Variants in PKD1L1 observed in about 807,000 individuals in gnomAD.
PKD1L1 encodes polycystin-1-like protein 1.
In PKD1L1, 236 loss-of-function variants were observed where a neutral mutation model predicts 323.4. The observed-to-expected ratio is 0.73, with a 90% confidence interval of 0.66 to 0.81. PKD1L1 has a LOEUF of 0.81. Among genes scored for constraint, PKD1L1 ranks in the 40% least tolerant of loss-of-function variants. The pLI is 0.00. For missense variants in PKD1L1, 3,320 were observed against 3,508.0 expected, an observed-to-expected ratio of 0.95 and a Z score of 1.35; for synonymous variants, 1,344 against 1,335.0, an observed-to-expected ratio of 1.01 and a Z score of -0.15.
At position 47,874,815 on chromosome 7, in the gene PKD1L1, G is replaced by A. The variant is rs142872050; in HGVS notation, c.3785-805C>T. ...CAAAAGATGGGACAAGAAAAGGTATGTATTAAGTATTTACTATATTGTATT... is the reference window on the plus strand; with the variant it reads ...CAAAAGATGGGACAAGAAAAGGTATATATTAAGTATTTACTATATTGTATT... On this transcript the variant is annotated intron_variant, in intron 23 of 56. Coordinates refer to ENST00000289672, the MANE Select transcript of PKD1L1 (RefSeq NM_138295.5). Among the ~76,000 whole-genome samples the A allele has an allele frequency of 4.8e-3, 729 of 152,276 alleles. 6 individuals carry two copies. The highest frequency in any genetic ancestry group is 0.017 in the African/African-American group (702 of 41,548).
At chr7:47,810,242 C>T (rs1784866225) in intron 50 of PKD1L1, among the ~76,000 whole-genome samples, 1 of 152,310 alleles carries the variant, frequency 6.6e-6, no homozygotes, top group Non-Finnish European at 1.5e-5. Flanking sequence ...ATAATCAAAG[C>T]AGGGTTCACT....
chr7:47,917,507 A>ATCAT (rs1359168021), intron 7 of PKD1L1, among the ~76,000 whole-genome samples: 1 of 152,212 alleles, frequency 6.6e-6, no homozygotes, highest in African/African-American at 2.4e-5. Flanking sequence ...TCACAAAAAG[A>ATCAT]TCATTGCCTA....
At position 47,845,013 on chromosome 7, in the gene PKD1L1, T is replaced by C. The variant is rs376930981; in HGVS notation, c.5219A>G (p.Asp1740Gly). 1.2e-6 allele frequency: 2 copies of C among 1,613,692 alleles called. No homozygotes were observed. Among genetic ancestry groups the C allele is most frequent in the African/African-American group, 2.7e-5 (2 of 74,938 alleles). The change falls in exon 33 of 57, where the codon GAC (aspartate) becomes GGC (glycine). Residue 1740 changes from aspartate to glycine, a missense_variant. Asp to Gly is a moderately conservative substitution (Grantham distance 94). Transcript: ENST00000289672. ...AACTTACCTCTGTAGCTTGGAAATG[T>C]CACTCACTTCAAAACTGGCCTTCAG... ...RKLKASFEVSDISKLQSHPEN... is the reference protein window; with the variant it reads ...RKLKASFEVSGISKLQSHPEN...
At chr7:47,867,052 G>A (rs753610865) in intron 24 of PKD1L1, among the ~76,000 whole-genome samples, 5 of 152,182 alleles carry the variant, frequency 3.3e-5, no homozygotes, top group Non-Finnish European at 7.3e-5. Flanking sequence ...CTATACATGA[G>A]GTCAAAGGCC....
rs1785593774 is a variant in PKD1L1, at chr7:47,843,016, T to C, written c.5391A>G (p.Leu1797=). 6.2e-7 allele frequency: 1 copy of C among 1,614,002 alleles called. No individual in the cohort carries two copies. Among genetic ancestry groups the C allele is most frequent in the Non-Finnish European group, 8.5e-7 (1 of 1,179,916 alleles). ...AGCCAGTGTCAATGACGACCGCATA[T>C]AGCTGATGGCCCGGCAGGGAAGCTT... is the stretch of plus-strand genomic sequence containing the variant. ...LQEASLPGHQ[L]YAVVIDTGFR... Residue 1797 remains leucine, a synonymous_variant, in exon 34 of 57, where the codon CTA becomes CTG. Transcript: ENST00000289672.
At chr7:47,793,877 G>C (rs546981735) in intron 55 of PKD1L1, among the ~76,000 whole-genome samples, 1 of 152,272 alleles carries the variant, frequency 6.6e-6, no homozygotes, top group South Asian at 2.1e-4. Flanking sequence ...GGAACTTGTT[G>C]GGAACTGGAG....
In PKD1L1 at chr7:47,884,266, G is replaced by A. The variant is rs917544856; in HGVS notation, c.3265+332C>T. On this transcript the variant is annotated intron_variant, in intron 19 of 56. Transcript: ENST00000289672. ...AATGGAGCCAGACCTGAAGGAGGAG[G>A]CTCGCTGAGCAGATAACTTAGGAAG... Among the ~76,000 whole-genome samples, 15 of 152,196 alleles carry A rather than the reference G, an allele frequency of 9.9e-5. No individual in the cohort carries two copies. The South Asian group carries it at 1.2e-3, about 13-fold the overall frequency.
rs967421888 is a variant in PKD1L1 at position 47,839,702 on chromosome 7, C to T, written c.5553-40G>A. On this transcript the variant is annotated intron_variant, in intron 35 of 56. Transcript: ENST00000289672. This position sits in a 1 kb window ranked among gnomAD's most constrained non-coding sequence, Gnocchi z 4.3. ...AGCAGCATCTCAGCCGGGTGGGTGACAGTGTGGTCCTGGCATCCCATCAGC... is the reference window on the plus strand; with the variant it reads ...AGCAGCATCTCAGCCGGGTGGGTGATAGTGTGGTCCTGGCATCCCATCAGC... The T allele has an allele frequency of 5.9e-6, 9 of 1,536,932 alleles. No individual in the cohort carries two copies. Among genetic ancestry groups the T allele is most frequent in the Non-Finnish European group, 7.0e-6 (8 of 1,136,290 alleles).
intron 56 of PKD1L1, among the ~76,000 whole-genome samples, chr7:47,785,938 C>T (rs1786797352): frequency 6.6e-6 from 1 of 152,006 alleles, no homozygotes; most frequent in African/African-American, 2.4e-5. Context: ...CACGGGGTTT[C>T]ACTACGTTGA....
chr7:47,850,632 C>CA (rs58437908), intron 31 of PKD1L1, among the ~76,000 whole-genome samples: 18,993 of 75,662 alleles, frequency 0.25, 2,886 homozygotes, highest in South Asian at 0.37. Context: ...GACTCTGTCT[C>CA]AAAAAAAAAA....
rs753208411 is a variant in PKD1L1, at chr7:47,876,170, G to A, written c.3711C>T (p.His1237=). ...GGGTGTCTCTCCCATGGTACAAAGT[G>A]TGTTTGGAGGTGTTTCCTATCTGGT... The part of the protein sequence containing the change: ...FSYQIGNTSK[H]TLYHGRDTQY... The change falls in exon 23 of 57, where the codon CAC becomes CAT. Residue 1237 remains histidine, a synonymous_variant. Coordinates refer to ENST00000289672, the MANE Select transcript of PKD1L1 (RefSeq NM_138295.5). 2 of 1,614,102 alleles carry A rather than the reference G, an allele frequency of 1.2e-6. No homozygotes were observed. Among genetic ancestry groups the A allele is most frequent in the South Asian group, 2.2e-5 (2 of 91,062 alleles).
intron 8 of PKD1L1, among the ~76,000 whole-genome samples, chr7:47,911,138 A>G (rs1401093698): frequency 2.0e-5 from 3 of 152,168 alleles, no homozygotes; most frequent in African/African-American, 7.2e-5. Context: ...TGGATTCCTC[A>G]TGAATGGTTT....
intron 23 of PKD1L1, among the ~76,000 whole-genome samples, chr7:47,875,830 T>C (rs79353339): frequency 2.0e-5 from 3 of 152,202 alleles, no homozygotes; most frequent in East Asian, 3.8e-4. Context: ...AAATATTTAA[T>C]TTATATATGA....
intron 51 of PKD1L1, among the ~76,000 whole-genome samples, 167 bp from the exon 52 acceptor site, chr7:47,808,554 G>C (rs1784830226): frequency 2.0e-5 from 3 of 152,108 alleles, no homozygotes; most frequent in African/African-American, 7.2e-5. Context: ...ACATTATAGG[G>C]TGCACTTATG....
intron 45 of PKD1L1, among the ~76,000 whole-genome samples, chr7:47,822,889 T>C (rs953091319): frequency 9.2e-5 from 14 of 152,208 alleles, no homozygotes; most frequent in Non-Finnish European, 1.8e-4. Flanking sequence ...AGGAATATAA[T>C]TTACTTTTTT....
intron 21 of PKD1L1, among the ~76,000 whole-genome samples, chr7:47,879,792 G>A (rs1210966671): frequency 6.7e-6 from 1 of 149,182 alleles, no homozygotes; most frequent in Non-Finnish European, 1.5e-5. Context: ...AATTAGCTGG[G>A]CGTGGTGGCA....
intron 13 of PKD1L1, 135 bp downstream of exon 13, chr7:47,902,244 T>G: frequency 2.3e-5 from 30 of 1,298,852 alleles, no homozygotes; most frequent in Non-Finnish European, 3.0e-5. Flanking sequence ...GGCACTCCTT[T>G]GTGTAAATTG....
intron 4 of PKD1L1, among the ~76,000 whole-genome samples, chr7:47,934,148 G>A (rs1160828099): frequency 6.6e-6 from 1 of 152,208 alleles, no homozygotes; most frequent in Non-Finnish European, 1.5e-5. Context: ...CTGACTTATG[G>A]AGTGGCATCA....
At chr7:47,809,771 C>A in intron 50 of PKD1L1, 194 bp from the exon 51 acceptor site, 1 of 437,910 alleles carries the variant, frequency 2.3e-6, no homozygotes, top group Non-Finnish European at 4.0e-6. Context: ...TGCCTCTCCA[C>A]AAGTCAAGCA....
Sources: gnomAD v4.1 joint callset for allele counts (sites outside exome capture counted in the v4.1 genomes callset) on GRCh38, gnomAD v4.1.1 for gene constraint, Gnocchi (gnomAD v3.1) non-coding constraint, MANE v1.5 for transcripts, NCBI Gene and HGNC (gene_info 2026-07-23, HGNC 2026-07-21) for gene names.